ADCY5: variants seen among roughly 807,000 people sequenced by gnomAD.
The protein encoded by ADCY5 is adenylate cyclase 5, also known as adenylate cyclase type 5.
ADCY5 carries 30 observed loss-of-function variants against 119.7 expected under a neutral mutation model. That is an observed-to-expected ratio of 0.25 (90% CI 0.19 to 0.34). The LOEUF (loss-of-function observed/expected upper bound fraction) is 0.34. Among genes scored for constraint, ADCY5 ranks in the 10% least tolerant of loss-of-function variants. The pLI, the probability that ADCY5 is intolerant of heterozygous loss-of-function variation, is 1.00. For missense variants in ADCY5, 1,324 were observed against 1,775.2 expected (o/e 0.75, Z 4.57); for synonymous variants, 753 against 762.2 (o/e 0.99, Z 0.20).
chr3:123,315,330 G>C (rs1334594623), intron 11 of ADCY5, among the ~76,000 whole-genome samples: 2 of 152,194 alleles, frequency 1.3e-5, no homozygotes, highest in African/African-American at 4.8e-5. Context: ...TCTCTTCAGG[G>C]GAAAAGAAAG....
chr3:123,372,394 A>G (rs903234898), intron 1 of ADCY5, among the ~76,000 whole-genome samples: 1 of 152,184 alleles, frequency 6.6e-6, no homozygotes, highest in Non-Finnish European at 1.5e-5. Flanking sequence ...TGGGCAGGCT[A>G]TCAGCCCACG....
At chr3:123,414,853 C>G (rs571310428) in intron 1 of ADCY5, among the ~76,000 whole-genome samples, 1 of 152,178 alleles carries the variant, frequency 6.6e-6, no homozygotes, top group Non-Finnish European at 1.5e-5. Context: ...CCACCCTGCC[C>G]GGCCCTGATG....
At position 123,361,756 on chromosome 3, in the gene ADCY5, G is replaced by A. The variant is rs185732679; in HGVS notation, c.1135-9175C>T. Among the ~76,000 whole-genome samples, 507 of 152,292 alleles carry A rather than the reference G, an allele frequency of 3.3e-3. 1 individual carries two copies. The highest frequency in any genetic ancestry group is 7.5e-3 in the Admixed American group (114 of 15,302). ...CATATACATAATGAGGTATCTTGGAGATGGTACACAAGTCTAAACATGAAA... is the reference window on the plus strand; with the variant it reads ...CATATACATAATGAGGTATCTTGGAAATGGTACACAAGTCTAAACATGAAA... On this transcript the variant is annotated intron_variant, in intron 1 of 20. Transcript: ENST00000462833.
intron 8 of ADCY5, among the ~76,000 whole-genome samples, chr3:123,324,894 G>A (rs1255972176): frequency 6.6e-6 from 1 of 152,238 alleles, no homozygotes; most frequent in East Asian, 1.9e-4. Flanking sequence ...ACCAAAAGAT[G>A]TGGTTTCACT....
At chr3:123,362,019 A>T (rs1411246134) in intron 1 of ADCY5, among the ~76,000 whole-genome samples, 1 of 152,190 alleles carries the variant, frequency 6.6e-6, no homozygotes, top group African/African-American at 2.4e-5. Flanking sequence ...TTACAGCTAA[A>T]TAATATTCCA....
At chr3:123,299,643 T>C (rs1939717064) in intron 15 of ADCY5, among the ~76,000 whole-genome samples, 1 of 152,248 alleles carries the variant, frequency 6.6e-6, no homozygotes, top group African/African-American at 2.4e-5. Context: ...CTTTGAGTAG[T>C]GCACAGATGC....
intron 15 of ADCY5, 26 bp from the exon 16 acceptor site, chr3:123,297,408 G>T: frequency 6.2e-7 from 1 of 1,613,164 alleles, no homozygotes; most frequent in Non-Finnish European, 8.5e-7. Flanking sequence ...GGGAAGACTG[G>T]TCAGGGCCAC....
rs1489319869 is a variant in ADCY5, at chr3:123,310,722, G to A, written c.2442+3513C>T. Among the ~76,000 whole-genome samples, 6 of 152,206 alleles carry A rather than the reference G, an allele frequency of 3.9e-5. No homozygotes were observed. In the East Asian group the frequency reaches 1.2e-3, roughly 29 times the overall value. ...GCCCTCTAAGACAGCATCTCCAGAA[G>A]AAAGCACTCAAGGGTCCCTAAGGCA... is the stretch of plus-strand genomic sequence containing the variant. On this transcript the variant is annotated intron_variant, in intron 12 of 20. Coordinates refer to ENST00000462833, the MANE Select transcript of ADCY5 (RefSeq NM_183357.3).
chr3:123,306,923 A>G (rs951868791), intron 12 of ADCY5, among the ~76,000 whole-genome samples: 9 of 152,394 alleles, frequency 5.9e-5, no homozygotes, highest in African/African-American at 2.2e-4. Flanking sequence ...TAAAGAGAGT[A>G]AAGTGCTGTT....
rs751303802 is a variant in ADCY5, at chr3:123,303,188, C to A, written c.2591G>T (p.Cys864Phe). 2 of 1,613,804 alleles carry A rather than the reference C, an allele frequency of 1.2e-6. No homozygotes were observed. The highest frequency in any genetic ancestry group is 1.7e-6 in the Non-Finnish European group (2 of 1,179,984). The change falls in exon 14 of 21, where the codon TGC (cysteine) becomes TTC (phenylalanine). Residue 864 changes from cysteine (C) to phenylalanine (F), a missense_variant. This residue lies in a region of ADCY5 where 424 missense variants were observed against 546.8 expected (regional missense o/e 0.78). Transcript: ENST00000462833. Reference protein sequence around the residue: ...FTCNSRDLLGCLAQEHNISAS... With the variant: ...FTCNSRDLLGFLAQEHNISAS... Reference sequence around the variant, plus strand: ...GCTGATGTTGTGCTCCTGTGCCAAGCAGCCCAGCAGGTCCCTGGAGTTGCA... The same window carrying A: ...GCTGATGTTGTGCTCCTGTGCCAAGAAGCCCAGCAGGTCCCTGGAGTTGCA...
intron 3 of ADCY5, among the ~76,000 whole-genome samples, chr3:123,334,959 C>A (rs1403659467): frequency 6.6e-6 from 1 of 152,184 alleles, no homozygotes; most frequent in Non-Finnish European, 1.5e-5. Context: ...TATTCCCATG[C>A]TTTGACATCC....
chr3:123,285,303 T>C (rs530558406), intron 20 of ADCY5, among the ~76,000 whole-genome samples: 1 of 152,162 alleles, frequency 6.6e-6, no homozygotes, highest in African/African-American at 2.4e-5. Context: ...GGTTACACAG[T>C]GAATAAATGG....
At chr3:123,322,257 G>A (rs759512203) in intron 8 of ADCY5, among the ~76,000 whole-genome samples, 2 of 152,228 alleles carry the variant, frequency 1.3e-5, no homozygotes, top group African/African-American at 2.4e-5. Flanking sequence ...CTACGGAACC[G>A]AGAAGAACTG....
chr3:123,425,797 G>A (rs1203787615), intron 1 of ADCY5, among the ~76,000 whole-genome samples: 12 of 152,124 alleles, frequency 7.9e-5, no homozygotes, highest in South Asian at 6.2e-4. Context: ...CTGGCTCCTG[G>A]AAGGTCTGTG....
chr3:123,301,455 T>C (rs889710569), intron 14 of ADCY5, among the ~76,000 whole-genome samples: 1 of 152,122 alleles, frequency 6.6e-6, no homozygotes, highest in East Asian at 1.9e-4. Flanking sequence ...CCTCAGTCTT[T>C]GGGAGGAGGG....
intron 7 of ADCY5, 44 bp downstream of exon 7, chr3:123,327,574 G>A (rs1941552599): frequency 6.3e-7 from 1 of 1,582,176 alleles, no homozygotes; most frequent in East Asian, 2.3e-5. Context: ...GTTCCTCCCT[G>A]GAGGAAGGGA....
At chr3:123,390,792 C>T (rs960747345) in intron 1 of ADCY5, among the ~76,000 whole-genome samples, 7 of 152,238 alleles carry the variant, frequency 4.6e-5, no homozygotes, top group Admixed American at 3.9e-4. Flanking sequence ...AGCTCCTTCT[C>T]ACCTTTGCCC....
At chr3:123,365,085 C>A (rs548785137) in intron 1 of ADCY5, among the ~76,000 whole-genome samples, 4 of 152,206 alleles carry the variant, frequency 2.6e-5, no homozygotes, top group East Asian at 1.9e-4. Flanking sequence ...AGGCGCCCAC[C>A]ACCATGCCTA....
chr3:123,346,894 G>A (rs1025716591), intron 3 of ADCY5, among the ~76,000 whole-genome samples: 7 of 152,108 alleles, frequency 4.6e-5, no homozygotes, highest in African/African-American at 1.7e-4. Context: ...CCACTGTATC[G>A]CTTCGTGTCC....
Sources: gnomAD v4.1 joint callset for allele counts (sites outside exome capture counted in the v4.1 genomes callset) on GRCh38, gnomAD v4.1.1 for gene constraint, gnomAD v4.1.1 regional missense constraint, MANE v1.5 for transcripts, NCBI Gene and HGNC (gene_info 2026-07-23, HGNC 2026-07-21) for gene names.